Variants in FER1L6 observed in about 807,000 individuals in gnomAD.
FER1L6 encodes the protein fer-1 like family member 6.
A neutral mutation model predicts 219.2 loss-of-function variants in FER1L6; 177 were observed. That is an observed-to-expected ratio of 0.81 (90% CI 0.71 to 0.91). The LOEUF is 0.91. Ranked by LOEUF, FER1L6 falls within the 40% of genes least tolerant of loss-of-function variation. The probability of loss-of-function intolerance (pLI) is 0.00; values close to 1 mark genes in which losing one functional copy is unlikely to be tolerated. For synonymous variants in FER1L6, 768 were observed against 824.3 expected, an observed-to-expected ratio of 0.93 and a Z score of 1.17; for missense variants, 2,153 against 2,259.9, an observed-to-expected ratio of 0.95 and a Z score of 0.96.
intron 17 of FER1L6, 48 bp from the exon 18 acceptor site, chr8:124,023,396 C>T (rs373629280): frequency 2.1e-5 from 34 of 1,583,094 alleles, no homozygotes; most frequent in African/African-American, 1.1e-4. Context: ...CAATGCCAAC[C>T]TTTCAAATCC....
intron 1 of FER1L6, among the ~76,000 whole-genome samples, chr8:123,897,612 C>T (rs771783880): frequency 2.6e-5 from 4 of 152,216 alleles, no homozygotes; most frequent in Admixed American, 6.5e-5. Context: ...GATGGCACAA[C>T]TTCAAGGACA....
intron 18 of FER1L6, among the ~76,000 whole-genome samples, chr8:124,028,577 C>T (rs1258615752): frequency 6.6e-6 from 1 of 152,122 alleles, no homozygotes; most frequent in Non-Finnish European, 1.5e-5. Context: ...AATCTCTAAA[C>T]TCTCTAAGCT....
At chr8:123,975,054 G>A in intron 7 of FER1L6, 96 bp from the exon 8 acceptor site, 1 of 1,140,730 alleles carries the variant, frequency 8.8e-7, no homozygotes, top group Non-Finnish European at 1.2e-6. Flanking sequence ...GCAACAGAGG[G>A]AGGAGAGCCT....
At chr8:123,875,195 A>C (rs1816986111) in intron 1 of FER1L6, among the ~76,000 whole-genome samples, 1 of 143,580 alleles carries the variant, frequency 7.0e-6, no homozygotes, top group Non-Finnish European at 1.5e-5. Context: ...ACTCAGTCTA[A>C]AAAAAAACAA....
intron 1 of FER1L6, among the ~76,000 whole-genome samples, chr8:123,915,559 T>C (rs1027013085): frequency 2.0e-5 from 3 of 152,140 alleles, no homozygotes; most frequent in African/African-American, 7.2e-5. Flanking sequence ...TTGTTGACCA[T>C]GTTATGAATA....
At chr8:124,003,547 G>T (rs1228205541) in intron 13 of FER1L6, among the ~76,000 whole-genome samples, 200 bp downstream of exon 13, 3 of 129,708 alleles carry the variant, frequency 2.3e-5, no homozygotes, top group Non-Finnish European at 4.6e-5. Context: ...TCAGCTCACT[G>T]CAACCTCTGC....
At chr8:124,027,822 A>G (rs1246502894) in intron 18 of FER1L6, among the ~76,000 whole-genome samples, 1 of 152,158 alleles carries the variant, frequency 6.6e-6, no homozygotes, top group Admixed American at 6.6e-5. Flanking sequence ...TTGGCCTCCC[A>G]AAGCACTGAG....
At position 123,853,968 on chromosome 8, in the gene FER1L6, G is replaced by A. The variant is rs1816578496; in HGVS notation, c.-8+1783G>A. Among the ~76,000 whole-genome samples, 1 of 152,152 alleles carries A rather than the reference G, an allele frequency of 6.6e-6. No homozygotes were observed. Among genetic ancestry groups the A allele is most frequent in the Admixed American group, 6.5e-5 (1 of 15,272 alleles). Reference sequence around the variant, plus strand: ...GGGCTTCTGTGGGCCTGGCTCTCAGGGAAGCATCAGGGACCGTGATTAGAA... The same window carrying A: ...GGGCTTCTGTGGGCCTGGCTCTCAGAGAAGCATCAGGGACCGTGATTAGAA... On this transcript the variant is annotated intron_variant, in intron 1 of 40. Transcript: ENST00000522917. The surrounding 1 kb of genome is among the most constrained non-coding windows in gnomAD (Gnocchi z 6.6).
Position 123,863,964 on chromosome 8 carries a change from A to C in FER1L6, c.-8+11779A>C, listed in dbSNP as rs1465895976. 4.5e-3 allele frequency among the ~76,000 whole-genome samples: 679 copies of C among 149,652 alleles called. 17 individuals carry two copies. Among genetic ancestry groups the C allele is most frequent in the African/African-American group, 0.015 (592 of 39,558 alleles). On this transcript the variant is annotated intron_variant, in intron 1 of 40. Coordinates refer to ENST00000522917, the MANE Select transcript of FER1L6 (RefSeq NM_001039112.2). ...GCCAGTCTGTGTCTTTTAATTGGAG[A>C]ATTTAGTCCATTTACATTTAAAGTT...
rs1170256718 is a variant in FER1L6, at chr8:123,973,614, T to C, written c.526+102T>C. ...CTCACCTGTGTGACCATTCATTCAA[T>C]AACACTGAGCACCAGTTATACAAAG... On this transcript the variant is annotated intron_variant, in intron 7 of 40. Coordinates refer to ENST00000522917, the MANE Select transcript of FER1L6 (RefSeq NM_001039112.2). 3 of 848,548 alleles carry C rather than the reference T, an allele frequency of 3.5e-6. No individual in the cohort carries two copies. The African/African-American group carries it at 5.0e-5, about 14-fold the overall frequency. 52.6% of individuals were successfully genotyped at this position (848,548 alleles called of 1,614,324 possible).
chr8:124,119,454 G>A (rs1272955937), intron 40 of FER1L6, among the ~76,000 whole-genome samples, 153 bp from the exon 41 acceptor site: 2 of 152,108 alleles, frequency 1.3e-5, no homozygotes, highest in Non-Finnish European at 2.9e-5. Context: ...ATGTCAGGCT[G>A]CTCCTGCTTC....
At chr8:124,010,539 G>C (rs191482671) in intron 13 of FER1L6, 55 bp from the exon 14 acceptor site, 7 of 1,601,794 alleles carry the variant, frequency 4.4e-6, no homozygotes, top group Non-Finnish European at 6.0e-6. Context: ...TGTGACTGGG[G>C]TTGCCTGGAA....
intron 34 of FER1L6, among the ~76,000 whole-genome samples, chr8:124,093,800 T>A (rs1822157115): frequency 6.6e-6 from 1 of 151,884 alleles, no homozygotes; most frequent in Non-Finnish European, 1.5e-5. Flanking sequence ...TTTAATTATT[T>A]TTATTATTTT....
At chr8:123,954,871 C>T (rs1003337550) in intron 1 of FER1L6, among the ~76,000 whole-genome samples, 20 of 152,276 alleles carry the variant, frequency 1.3e-4, no homozygotes, top group African/African-American at 4.3e-4. Context: ...CCTTTGCTGC[C>T]GTCTCCTCCC....
rs1225178764 is a variant in FER1L6 at position 124,010,709 on chromosome 8, T to C, written c.1816T>C (p.Phe606Leu). The C allele has an allele frequency of 6.2e-7, 1 of 1,613,436 alleles. No individual in the cohort carries two copies. Among genetic ancestry groups the C allele is most frequent in the Admixed American group, 1.7e-5 (1 of 59,974 alleles). ...CAACATGCTGGAGAAAATGGCAGAC[T>C]TCCTGGTAGGTGACTCTGACAGGTG... ...WSNMLEKMAD[F>L]LEESIEEVRE... The change falls in exon 14 of 41, where the codon TTC becomes CTC. Residue 606 changes from phenylalanine to leucine, a missense_variant. Phe to Leu is a conservative substitution (Grantham distance 22, BLOSUM62 0). Transcript: ENST00000522917.
At chr8:124,044,510 T>G (rs554082618) in intron 20 of FER1L6, among the ~76,000 whole-genome samples, 2 of 152,300 alleles carry the variant, frequency 1.3e-5, no homozygotes, top group Admixed American at 1.3e-4. Flanking sequence ...TGTAAAACGC[T>G]GAGATGACAG....
intron 12 of FER1L6, among the ~76,000 whole-genome samples, chr8:123,994,268 G>A (rs1817016080): frequency 6.6e-6 from 1 of 152,142 alleles, no homozygotes; most frequent in South Asian, 2.1e-4. Context: ...TGTGGGTGGA[G>A]GCTCAAAGAC....
At chr8:124,032,867 G>A (rs1360398278) in intron 18 of FER1L6, among the ~76,000 whole-genome samples, 1 of 152,240 alleles carries the variant, frequency 6.6e-6, no homozygotes, top group African/African-American at 2.4e-5. Context: ...GAGATCTGTA[G>A]ACCAGCAGGA....
intron 1 of FER1L6, among the ~76,000 whole-genome samples, chr8:123,954,755 C>G (rs185690210): frequency 6.6e-6 from 1 of 152,316 alleles, no homozygotes; most frequent in East Asian, 1.9e-4. Flanking sequence ...AACCACTGCA[C>G]TCCACACATC....
Sources: gnomAD v4.1 joint callset for allele counts (sites outside exome capture counted in the v4.1 genomes callset) on GRCh38, gnomAD v4.1.1 for gene constraint, Gnocchi (gnomAD v3.1) non-coding constraint, MANE v1.5 for transcripts, NCBI Gene and HGNC (gene_info 2026-07-23, HGNC 2026-07-21) for gene names.